Variants in FOCAD observed in about 807,000 individuals in gnomAD.
The protein encoded by FOCAD is focadhesin, also known as KIAA1797.
In FOCAD, 198 loss-of-function variants were observed where a neutral mutation model predicts 225.6. The ratio of observed to expected loss-of-function variants is 0.88; its 90% CI spans 0.78 to 0.99. The LOEUF (loss-of-function observed/expected upper bound fraction) is 0.99. FOCAD is among the 50% of genes least tolerant of loss of function. The pLI is 0.00. For synonymous variants in FOCAD, 897 were observed against 755.0 expected, an observed-to-expected ratio of 1.19 and a Z score of -3.08; for missense variants, 2,713 against 2,123.6, an observed-to-expected ratio of 1.28 and a Z score of -5.46.
intron 8 of FOCAD, 69 bp downstream of exon 8, chr9:20,770,307 T>C: frequency 7.1e-7 from 1 of 1,400,064 alleles, no homozygotes; most frequent in Non-Finnish European, 1.0e-6. Context: ...TGGTAATTTA[T>C]AAAGAAATGA....
intron 1 of FOCAD, among the ~76,000 whole-genome samples, chr9:20,702,214 C>T (rs1023972793): frequency 1.3e-4 from 20 of 152,034 alleles, no homozygotes; most frequent in African/African-American, 3.9e-4. Flanking sequence ...ATGGTCCTCC[C>T]ACTGCAGCCT....
intron 35 of FOCAD, among the ~76,000 whole-genome samples, chr9:20,976,033 T>C (rs1156895686): frequency 6.6e-6 from 1 of 152,162 alleles, no homozygotes; most frequent in Non-Finnish European, 1.5e-5. Context: ...TTAACAGTAA[T>C]TGTTATTTCC....
upstream of FOCAD, among the ~76,000 whole-genome samples, chr9:20,680,403 C>G (rs929040445): frequency 2.0e-5 from 3 of 152,014 alleles, no homozygotes; most frequent in Non-Finnish European, 4.4e-5. Flanking sequence ...ACCAAAAATA[C>G]AAAAATTAGC....
At chr9:20,949,030 A>G in intron 32 of FOCAD, 102 bp downstream of exon 32, 1 of 1,063,400 alleles carries the variant, frequency 9.4e-7, no homozygotes, top group Non-Finnish European at 1.4e-6. Flanking sequence ...AGAAGGATTT[A>G]TGCTCATGGT....
intron 11 of FOCAD, among the ~76,000 whole-genome samples, chr9:20,795,304 A>G (rs1346792371): frequency 1.3e-5 from 2 of 152,240 alleles, no homozygotes; most frequent in Non-Finnish European, 2.9e-5. Context: ...ATTGCATAAA[A>G]TAAGATTTTA....
At chr9:20,841,020 A>G (rs1826468696) in intron 15 of FOCAD, among the ~76,000 whole-genome samples, 1 of 151,926 alleles carries the variant, frequency 6.6e-6, no homozygotes, top group Non-Finnish European at 1.5e-5. Context: ...TTGATACGAT[A>G]TGTCATATTG....
intron 8 of FOCAD, among the ~76,000 whole-genome samples, chr9:20,773,941 A>C (rs539595674): frequency 6.6e-6 from 1 of 152,314 alleles, no homozygotes. Flanking sequence ...TGGGCCACAC[A>C]CAGGAGGTGA....
rs957168017 is a variant in FOCAD at position 20,882,917 on chromosome 9, G to T, written c.2503+861G>T. ...AAGACTCATTAGACTGCCAATTAGT[G>T]GGGGGTGTTGTGGGGAGATATACCC... On this transcript the variant is annotated intron_variant, in intron 20 of 43. Transcript: ENST00000338382. 3.3e-5 allele frequency among the ~76,000 whole-genome samples: 5 copies of T among 152,246 alleles called. No individual in the cohort carries two copies. In the South Asian group the frequency reaches 6.2e-4, roughly 19 times the overall value.
At chr9:20,777,830 C>G (rs982847207) in intron 8 of FOCAD, among the ~76,000 whole-genome samples, 1 of 152,086 alleles carries the variant, frequency 6.6e-6, no homozygotes, top group African/African-American at 2.4e-5. Flanking sequence ...AGGCCGGGCT[C>G]GGTGGCTCAC....
At chr9:20,686,133 A>G (rs756687728) in intron 1 of FOCAD, among the ~76,000 whole-genome samples, 4 of 152,320 alleles carry the variant, frequency 2.6e-5, no homozygotes, top group African/African-American at 7.2e-5. Context: ...TTAAGAAAAT[A>G]TAACTTCTTA....
At position 20,805,122 on chromosome 9, in the gene FOCAD, G is replaced by T. The variant is rs145224379; in HGVS notation, c.1456-14674G>T. ...TGGTTTATGTCGAAATCAAGATTAA[G>T]CACTTTAAGGTACATGAAGTGAAAA... On this transcript the variant is annotated intron_variant, in intron 11 of 43. Coordinates refer to ENST00000338382, the MANE Select transcript of FOCAD (RefSeq NM_001375567.1). Among the ~76,000 whole-genome samples the T allele has an allele frequency of 1.7e-4, 26 of 152,276 alleles. No individual in the cohort carries two copies. The East Asian group carries it at 4.8e-3, about 28-fold the overall frequency.
rs145368703 is a variant in FOCAD, at chr9:20,915,306, C to G, written c.2808-1587C>G. On this transcript the variant is annotated intron_variant, in intron 23 of 43. Coordinates refer to ENST00000338382, the MANE Select transcript of FOCAD (RefSeq NM_001375567.1). ...AGAGAAGATTTCAAAAGATTGAGCCCTGATTCTATATTTAAAGGTGGGGAA... is the reference window on the plus strand; with the variant it reads ...AGAGAAGATTTCAAAAGATTGAGCCGTGATTCTATATTTAAAGGTGGGGAA... 2.5e-3 allele frequency among the ~76,000 whole-genome samples: 387 copies of G among 152,168 alleles called. 2 individuals carry two copies. Among genetic ancestry groups the G allele is most frequent in the African/African-American group, 9.1e-3 (378 of 41,488 alleles).
chr9:20,975,675 C>T (rs537919228), intron 35 of FOCAD, among the ~76,000 whole-genome samples: 11 of 152,142 alleles, frequency 7.2e-5, no homozygotes, highest in South Asian at 2.1e-4. Context: ...TAAGTAGCAA[C>T]GTGGAAAATT....
chr9:20,704,384 T>C (rs897303458), intron 1 of FOCAD, among the ~76,000 whole-genome samples: 3 of 152,232 alleles, frequency 2.0e-5, no homozygotes, highest in South Asian at 2.1e-4. Context: ...TATTCCATTC[T>C]ACATGAATTT....
At chr9:20,796,786 G>A (rs2131244520) in intron 11 of FOCAD, among the ~76,000 whole-genome samples, 1 of 152,132 alleles carries the variant, frequency 6.6e-6, no homozygotes, top group East Asian at 1.9e-4. Flanking sequence ...TCTGATGGTA[G>A]TTTCTTTTGC....
Position 20,916,889 on chromosome 9 carries a change from G to T in FOCAD, c.2808-4G>T, listed in dbSNP as rs769045777. The T allele has an allele frequency of 3.1e-6, 5 of 1,600,906 alleles. No homozygotes were observed. The South Asian group carries it at 4.6e-5, about 15-fold the overall frequency. Reference sequence around the variant, plus strand: ...CTCTCGTCTATTTTCCATCTTTATTGCAGGGTTAGAGACATGCTGACTGAT... The same window carrying T: ...CTCTCGTCTATTTTCCATCTTTATTTCAGGGTTAGAGACATGCTGACTGAT... On this transcript the variant is annotated splice_polypyrimidine_tract_variant and splice_region_variant and intron_variant, in intron 23 of 43. Coordinates refer to ENST00000338382, the MANE Select transcript of FOCAD (RefSeq NM_001375567.1).
chr9:20,832,166 A>T (rs1310405340), intron 15 of FOCAD, among the ~76,000 whole-genome samples: 1 of 152,030 alleles, frequency 6.6e-6, no homozygotes, highest in African/African-American at 2.4e-5. Flanking sequence ...TTTCATGTCA[A>T]CGTATGAGTT....
chr9:20,830,263 A>G (rs1825351114), intron 15 of FOCAD, among the ~76,000 whole-genome samples: 1 of 152,086 alleles, frequency 6.6e-6, no homozygotes, highest in Non-Finnish European at 1.5e-5. Context: ...GTTTTGCATT[A>G]TTAAGACTTT....
chr9:20,939,098 C>G (rs1387465545), intron 28 of FOCAD, among the ~76,000 whole-genome samples: 3 of 138,832 alleles, frequency 2.2e-5, no homozygotes, highest in South Asian at 2.4e-4. Context: ...TGCAGTGAGC[C>G]GAGATCGTGC....
Sources: allele counts gnomAD v4.1 joint callset (sites outside exome capture counted in the v4.1 genomes callset), GRCh38; gene constraint gnomAD v4.1.1; transcripts MANE v1.5; gene names NCBI Gene and HGNC (gene_info 2026-07-23, HGNC 2026-07-21).